The following ROCK2 variants were observed in gnomAD, a reference collection of about 807,000 sequenced individuals.
The protein encoded by ROCK2 is rho-associated protein kinase 2.
In ROCK2, 61 loss-of-function variants were observed where a neutral mutation model predicts 195.1. That is an observed-to-expected ratio of 0.31 (90% confidence interval 0.25 to 0.39). The LOEUF (loss-of-function observed/expected upper bound fraction) is 0.39, where lower values mean the gene tolerates loss of function less well. Among genes scored for constraint, ROCK2 ranks in the 10% least tolerant of loss-of-function variants. The pLI is 1.00. For synonymous variants in ROCK2, 504 were observed against 545.5 expected (o/e 0.92, Z 1.06); for missense variants, 1,109 against 1,637.4 (o/e 0.68, Z 5.57).
rs573823639 is a variant in ROCK2 at position 11,308,778 on chromosome 2, C to A, written c.142-21042G>T. Reference sequence around the variant, plus strand: ...CACTACAAGCCTAAAAAAAGGTTTACCAGCACCAAGTGTTTTGCTTTCATG... The same window carrying A: ...CACTACAAGCCTAAAAAAAGGTTTAACAGCACCAAGTGTTTTGCTTTCATG... On this transcript the variant is annotated intron_variant, in intron 1 of 32. Coordinates refer to ENST00000315872, the MANE Select transcript of ROCK2 (RefSeq NM_004850.5). The A allele has an allele frequency of 2.0e-4, 318 of 1,612,412 alleles. 1 individual carries two copies. The African/African-American group carries it at 3.4e-3, about 17-fold the overall frequency.
intron 32 of ROCK2, among the ~76,000 whole-genome samples, chr2:11,187,605 A>G: frequency 6.6e-6 from 1 of 152,184 alleles, no homozygotes; most frequent in East Asian, 1.9e-4. Context: ...GGATGAGGCA[A>G]TCTTTTTTCT....
chr2:11,296,007 A>AGG (rs1667517866), intron 1 of ROCK2, among the ~76,000 whole-genome samples: 4 of 25,314 alleles, frequency 1.6e-4, no homozygotes, highest in African/African-American at 3.2e-4. Flanking sequence ...GAGAGAGAGG[A>AGG]GAGAGAGAGA....
At chr2:11,228,327 T>A (rs760740630) in intron 5 of ROCK2, among the ~76,000 whole-genome samples, 1 of 152,210 alleles carries the variant, frequency 6.6e-6, no homozygotes, top group African/African-American at 2.4e-5. Flanking sequence ...TGAACACATT[T>A]TGTAAACCTA....
intron 3 of ROCK2, among the ~76,000 whole-genome samples, chr2:11,273,132 A>G (rs1666703984): frequency 6.6e-6 from 1 of 151,342 alleles, no homozygotes; most frequent in East Asian, 1.9e-4. Flanking sequence ...CAACATATAG[A>G]AAACAAATAG....
At position 11,200,987 on chromosome 2, in the gene ROCK2, T is replaced by A. The variant is rs1663830807; in HGVS notation, c.2880A>T (p.Glu960Asp). 2 of 1,600,952 alleles carry A rather than the reference T, an allele frequency of 1.2e-6. No homozygotes were observed. The highest frequency in any genetic ancestry group is 1.7e-6 in the Non-Finnish European group (2 of 1,176,588). ...CAATTGTAGCATCTTTTTCCGTAAG[T>A]TCCTGTTTGTGTCTAGCCATCATCT... ...IKEMMARHKQ[E>D]LTEKDATIAS... is the part of the protein sequence containing the mutation. The change falls in exon 23 of 33, where the codon GAA becomes GAT. Residue 960 changes from glutamate to aspartate, a missense_variant. By Grantham distance (45) the Glu-to-Asp change is conservative. Coordinates refer to ENST00000315872, the MANE Select transcript of ROCK2 (RefSeq NM_004850.5).
chr2:11,274,717 T>C (rs566854021), intron 3 of ROCK2, among the ~76,000 whole-genome samples: 18 of 152,256 alleles, frequency 1.2e-4, no homozygotes, highest in African/African-American at 4.3e-4. Flanking sequence ...CATACTTCTC[T>C]AGAAAACTGA....
chr2:11,306,614 C>G (rs1423434446), intron 1 of ROCK2, among the ~76,000 whole-genome samples: 3 of 152,140 alleles, frequency 2.0e-5, no homozygotes, highest in Non-Finnish European at 4.4e-5. Flanking sequence ...ATTTAAGAAT[C>G]AATTGCAAAA....
chr2:11,208,108 T>C (rs1664119630), intron 19 of ROCK2, among the ~76,000 whole-genome samples, 179 bp downstream of exon 19: 1 of 151,456 alleles, frequency 6.6e-6, no homozygotes, highest in South Asian at 2.1e-4. Flanking sequence ...AAGGTAAATA[T>C]AACTTTAAAA....
At position 11,215,490 on chromosome 2, in the gene ROCK2, TAATA is replaced by T; in HGVS notation, c.1597+16_1597+19del. 3.1e-6 allele frequency: 5 copies of T among 1,610,068 alleles called. No individual in the cohort carries two copies. The highest frequency in any genetic ancestry group is 4.2e-6 in the Non-Finnish European group (5 of 1,178,814). On this transcript the variant is annotated intron_variant, in intron 14 of 32. Transcript: ENST00000315872. ...CTTAATTTTTTTCTTGATGAGTAATTAATATTCTACACCACAAACCATCATTTTC... is the reference window on the plus strand; with the variant it reads ...CTTAATTTTTTTCTTGATGAGTAATTTTCTACACCACAAACCATCATTTTC...
At position 11,201,424 on chromosome 2, in the gene ROCK2, A is replaced by G. The variant is rs1214399018; in HGVS notation, c.2620-11T>C. On this transcript the variant is annotated splice_polypyrimidine_tract_variant and intron_variant, in intron 21 of 32. Transcript: ENST00000315872. The surrounding 1 kb of genome is among the most constrained non-coding windows in gnomAD (Gnocchi z 4.6). Reference sequence around the variant, plus strand: ...TGTTTTATAAAGGGTCTAAATAGCAAAATACAACAGAAATGCGTATCATCA... The same window carrying G: ...TGTTTTATAAAGGGTCTAAATAGCAGAATACAACAGAAATGCGTATCATCA... 1 of 1,372,746 alleles carries G rather than the reference A, an allele frequency of 7.3e-7. No individual in the cohort carries two copies. Among genetic ancestry groups the G allele is most frequent in the Admixed American group, 1.7e-5 (1 of 59,382 alleles). The allele number at this position is 1,372,746 out of a possible 1,614,324, so 85.0% of individuals were successfully genotyped here.
intron 1 of ROCK2, among the ~76,000 whole-genome samples, chr2:11,294,991 G>T (rs1667467664): frequency 6.6e-6 from 1 of 151,854 alleles, no homozygotes; most frequent in African/African-American, 2.4e-5. Context: ...GTTTCATCAT[G>T]TTGCCCAGGT....
chr2:11,275,695 CTTT>C (rs70953379), intron 3 of ROCK2, among the ~76,000 whole-genome samples: 12 of 110,198 alleles, frequency 1.1e-4, no homozygotes, highest in African/African-American at 1.4e-4. Flanking sequence ...ATTCAACAAT[CTTT>C]TTTTTTTTTT....
At chr2:11,218,537 C>A in intron 10 of ROCK2, 71 bp from the exon 11 acceptor site, 1 of 1,112,940 alleles carries the variant, frequency 9.0e-7, no homozygotes, top group Non-Finnish European at 1.3e-6. Flanking sequence ...ATTCCTAAAA[C>A]ACAAACCATA....
At chr2:11,299,883 T>G (rs1240088144) in intron 1 of ROCK2, among the ~76,000 whole-genome samples, 2 of 149,090 alleles carry the variant, frequency 1.3e-5, no homozygotes, top group Admixed American at 1.3e-4. Context: ...TCAGGAAACT[T>G]TTTTAAGTAA....
At chr2:11,209,143 A>G (rs527842539) in intron 18 of ROCK2, among the ~76,000 whole-genome samples, 15 of 152,280 alleles carry the variant, frequency 9.9e-5, no homozygotes, top group Non-Finnish European at 1.8e-4. Context: ...AGATTCTATG[A>G]TCTCCATAGG....
At chr2:11,296,558 T>A (rs1261739418) in intron 1 of ROCK2, among the ~76,000 whole-genome samples, 2 of 152,172 alleles carry the variant, frequency 1.3e-5, no homozygotes, top group Non-Finnish European at 2.9e-5. Flanking sequence ...ACTCAATAAA[T>A]GTTAGCTATT....
chr2:11,236,604 A>AC, intron 4 of ROCK2, among the ~76,000 whole-genome samples: 1 of 152,048 alleles, frequency 6.6e-6, no homozygotes, highest in Non-Finnish European at 1.5e-5. Context: ...GTTGCTACTG[A>AC]CCCCCCAAAC....
At position 11,231,019 on chromosome 2, in the gene ROCK2, A is replaced by G. The variant is rs144223695; in HGVS notation, c.724-3621T>C. 7.0e-3 allele frequency among the ~76,000 whole-genome samples: 1,063 copies of G among 152,298 alleles called. 15 individuals are homozygous for G. Among genetic ancestry groups the G allele is most frequent in the African/African-American group, 0.024 (1,011 of 41,562 alleles). On this transcript the variant is annotated intron_variant, in intron 5 of 32. Transcript: ENST00000315872. ...TACATTTAGCAAATACATATTTAAT[A>G]TGATACATTTAAAATAATCTGAGAA...
chr2:11,340,900 A>C (rs564245952), intron 1 of ROCK2, among the ~76,000 whole-genome samples: 2 of 152,208 alleles, frequency 1.3e-5, no homozygotes, highest in Non-Finnish European at 2.9e-5. Flanking sequence ...TGAAAGAGTA[A>C]AATAAATCAA....
Sources: allele counts gnomAD v4.1 joint callset (sites outside exome capture counted in the v4.1 genomes callset), GRCh38; gene constraint gnomAD v4.1.1; non-coding constraint Gnocchi (gnomAD v3.1); transcripts MANE v1.5; gene names NCBI Gene and HGNC (gene_info 2026-07-23, HGNC 2026-07-21).